KIF5C: variants seen among roughly 807,000 people sequenced by gnomAD.
KIF5C encodes the protein kinesin family member 5C.
Under a neutral mutation model 125.2 loss-of-function variants are expected in KIF5C, and 18 were observed. That is an observed-to-expected ratio of 0.14 (90% CI 0.10 to 0.21). The LOEUF is 0.21. Among genes scored for constraint, KIF5C ranks in the 10% least tolerant of loss-of-function variants. The pLI, the probability that KIF5C is intolerant of heterozygous loss-of-function variation, is 1.00. For missense variants in KIF5C, 780 were observed against 1,183.8 expected (o/e 0.66, Z 5.01); for synonymous variants, 405 against 434.0 (o/e 0.93, Z 0.83).
intron 17 of KIF5C, among the ~76,000 whole-genome samples, chr2:148,994,746 A>G (rs895383415): frequency 3.3e-5 from 5 of 150,880 alleles, no homozygotes; most frequent in African/African-American, 7.3e-5. Flanking sequence ...TCTGTTGCCC[A>G]GGCTGAAGTG....
At chr2:148,920,052 T>C (rs922049717) in intron 1 of KIF5C, among the ~76,000 whole-genome samples, 1 of 152,230 alleles carries the variant, frequency 6.6e-6, no homozygotes, top group Admixed American at 6.5e-5. Flanking sequence ...GAAGGCATAA[T>C]GCATTCTAAT....
intron 1 of KIF5C, among the ~76,000 whole-genome samples, chr2:148,917,160 C>A (rs951516503): frequency 1.3e-5 from 2 of 152,076 alleles, no homozygotes; most frequent in Non-Finnish European, 2.9e-5. Flanking sequence ...TTTCCCCAAT[C>A]TTGCCTTCTT....
At chr2:148,901,861 G>A (rs1680916811) in intron 1 of KIF5C, among the ~76,000 whole-genome samples, 1 of 152,166 alleles carries the variant, frequency 6.6e-6, no homozygotes, top group Non-Finnish European at 1.5e-5. Context: ...GGAATCTGGA[G>A]GACGGCCTGT....
intron 12 of KIF5C, among the ~76,000 whole-genome samples, chr2:148,978,501 C>T (rs897384987): frequency 6.6e-6 from 1 of 152,078 alleles, no homozygotes; most frequent in East Asian, 1.9e-4. Flanking sequence ...CTCCTGCTTA[C>T]TGATGCATTT....
intron 11 of KIF5C, among the ~76,000 whole-genome samples, chr2:148,965,445 T>A (rs1683027209): frequency 6.6e-6 from 1 of 152,100 alleles, no homozygotes; most frequent in African/African-American, 2.4e-5. Flanking sequence ...CTAACATTTG[T>A]ATTTAAAGGT....
chr2:148,916,688 T>C (rs2105074772), intron 1 of KIF5C, among the ~76,000 whole-genome samples: 1 of 152,254 alleles, frequency 6.6e-6, no homozygotes, highest in South Asian at 2.1e-4. Context: ...TGAGCAAAAC[T>C]CTTTGTTCAT....
chr2:148,906,884 A>C (rs2105062311), intron 1 of KIF5C, among the ~76,000 whole-genome samples: 1 of 151,770 alleles, frequency 6.6e-6, no homozygotes, highest in East Asian at 2.0e-4. Context: ...TAGATAAATT[A>C]ATTAATTAAA....
At chr2:148,914,349 A>T (rs1037131847) in intron 1 of KIF5C, among the ~76,000 whole-genome samples, 2 of 152,198 alleles carry the variant, frequency 1.3e-5, no homozygotes, top group African/African-American at 4.8e-5. Flanking sequence ...AGGTTCCATT[A>T]TTCTCTTTAA....
intron 1 of KIF5C, among the ~76,000 whole-genome samples, chr2:148,921,798 A>AT (rs5835212): frequency 2.0e-5 from 3 of 150,350 alleles, no homozygotes; most frequent in African/African-American, 4.9e-5. Context: ...CTGTTTTGTG[A>AT]TTTTTTTTTT....
At chr2:148,939,094 TA>T (rs66739683) in intron 4 of KIF5C, among the ~76,000 whole-genome samples, 47,870 of 131,600 alleles carry the variant, frequency 0.36, 8,494 homozygotes, top group African/African-American at 0.45. Flanking sequence ...GATTCTGTCT[TA>T]AAAAAAAAAA....
At chr2:148,928,296 C>A (rs978215565) in intron 2 of KIF5C, among the ~76,000 whole-genome samples, 20 of 152,258 alleles carry the variant, frequency 1.3e-4, no homozygotes, top group South Asian at 8.3e-4. Context: ...GAATAGGACA[C>A]CTCAGTGTGG....
intron 21 of KIF5C, among the ~76,000 whole-genome samples, chr2:149,003,248 C>T (rs1681910923): frequency 6.6e-6 from 1 of 152,264 alleles, no homozygotes; most frequent in Non-Finnish European, 1.5e-5. Flanking sequence ...GTTCTGCCGC[C>T]CTCCTCAGCG....
intron 11 of KIF5C, among the ~76,000 whole-genome samples, chr2:148,966,767 A>G (rs902869209): frequency 1.1e-4 from 16 of 152,078 alleles, no homozygotes; most frequent in African/African-American, 3.4e-4. Flanking sequence ...GGTTCTGAGG[A>G]TGGACTCTCA....
At chr2:148,944,302 T>G (rs1011423676) in intron 7 of KIF5C, among the ~76,000 whole-genome samples, 1 of 152,230 alleles carries the variant, frequency 6.6e-6, no homozygotes, top group Admixed American at 6.5e-5. Flanking sequence ...CAAAACTCTG[T>G]ACCCAATAAA....
chr2:149,006,811 A>T, intron 22 of KIF5C, among the ~76,000 whole-genome samples: 1 of 152,176 alleles, frequency 6.6e-6, no homozygotes, highest in Non-Finnish European at 1.5e-5. Context: ...AAGGTGATGG[A>T]CAGGGAGGCT....
chr2:148,976,426 C>T (rs985278244), intron 12 of KIF5C, among the ~76,000 whole-genome samples: 4 of 151,748 alleles, frequency 2.6e-5, no homozygotes, highest in Admixed American at 6.6e-5. Context: ...CACACCACCA[C>T]GCCTGGCTAA....
chr2:149,011,904 G>A (rs1213716689), intron 25 of KIF5C, among the ~76,000 whole-genome samples: 1 of 152,198 alleles, frequency 6.6e-6, no homozygotes, highest in Non-Finnish European at 1.5e-5. Context: ...GGGACCTGGA[G>A]CCAGGCCCGG....
At chr2:148,932,615 G>T (rs1050289040) in intron 3 of KIF5C, among the ~76,000 whole-genome samples, 15 of 152,298 alleles carry the variant, frequency 9.8e-5, no homozygotes, top group Admixed American at 9.2e-4. Context: ...GCTGGGAAGG[G>T]CCTCTCCTGG....
intron 3 of KIF5C, among the ~76,000 whole-genome samples, chr2:148,932,430 G>A (rs958987117): frequency 1.3e-5 from 2 of 152,166 alleles, no homozygotes; most frequent in African/African-American, 4.8e-5. Flanking sequence ...TTTAAGGTAG[G>A]TTTTCAGTAA....
Sources: gnomAD v4.1 joint callset for allele counts (sites outside exome capture counted in the v4.1 genomes callset) on GRCh38, gnomAD v4.1.1 for gene constraint, MANE v1.5 for transcripts, NCBI Gene and HGNC (gene_info 2026-07-23, HGNC 2026-07-21) for gene names.